The following DPP6 variants were observed in gnomAD, a reference collection of about 807,000 sequenced individuals.
The protein encoded by DPP6 is dipeptidyl peptidase like 6, also known as A-type potassium channel modulatory protein DPP6.
DPP6 carries 69 observed loss-of-function variants against 122.6 expected under a neutral mutation model. The ratio of observed to expected loss-of-function variants is 0.56; its 90% CI spans 0.46 to 0.69. DPP6 has a LOEUF of 0.69. DPP6 is among the 30% of genes least tolerant of loss of function. DPP6 has a pLI of 0.00. For synonymous variants in DPP6, 418 were observed against 433.1 expected (o/e 0.97, Z 0.43); for missense variants, 928 against 1,116.9 (o/e 0.83, Z 2.41).
At chr7:154,781,011 TG>T (rs1231411216) in intron 10 of DPP6, among the ~76,000 whole-genome samples, 1 of 151,734 alleles carries the variant, frequency 6.6e-6, no homozygotes, top group Non-Finnish European at 1.5e-5. Context: ...GGATGGATGA[TG>T]GGTGGATGGA....
chr7:154,874,074 T>C (rs201709273), intron 19 of DPP6, among the ~76,000 whole-genome samples: 24,955 of 149,494 alleles, frequency 0.17, 2,317 homozygotes, highest in East Asian at 0.53. Context: ...TATGTGTATA[T>C]ACACATGCAC....
At chr7:153,823,667 T>C in the DPP6 span, among the ~76,000 whole-genome samples, 2 of 150,872 alleles carry the variant, frequency 1.3e-5, no homozygotes, top group African/African-American at 2.4e-5. Context: ...ACTCAGGGTG[T>C]GAGGGGTTGT....
intron 17 of DPP6, 92 bp from the exon 18 acceptor site, chr7:154,867,903 G>C: frequency 1.4e-6 from 2 of 1,424,104 alleles, no homozygotes; most frequent in African/African-American, 1.4e-5. Context: ...GCTGATGAAA[G>C]CAGCAGTTAC....
At chr7:154,623,245 G>A (rs55858298) in intron 5 of DPP6, among the ~76,000 whole-genome samples, 7,666 of 152,180 alleles carry the variant, frequency 0.05, 227 homozygotes, top group Non-Finnish European at 0.063. Flanking sequence ...TGCTGTTGCC[G>A]GTGCGTTGCA....
chr7:154,679,583 G>A (rs1414146793), intron 7 of DPP6, among the ~76,000 whole-genome samples: 1 of 152,218 alleles, frequency 6.6e-6, no homozygotes, highest in African/African-American at 2.4e-5. Flanking sequence ...GGGGCAGGGA[G>A]CACTTTACTG....
At chr7:153,749,088 C>CTCCG in the DPP6 span, among the ~76,000 whole-genome samples, 1 of 152,082 alleles carries the variant, frequency 6.6e-6, no homozygotes, top group South Asian at 2.1e-4. The surrounding 1 kb of genome is among the most constrained non-coding windows in gnomAD (Gnocchi z 4.1). Flanking sequence ...AGAGTGGAGA[C>CTCCG]TCCGGCAGGT....
intron 5 of DPP6, among the ~76,000 whole-genome samples, chr7:154,621,725 A>G (rs1051354962): frequency 4.6e-4 from 70 of 152,168 alleles, no homozygotes; most frequent in African/African-American, 1.7e-3. Context: ...CATGATAAAA[A>G]GGGTCTTCCC....
chr7:154,079,866 G>A (rs1803864837), intron 1 of DPP6, among the ~76,000 whole-genome samples: 1 of 151,734 alleles, frequency 6.6e-6, no homozygotes, highest in South Asian at 2.1e-4. Flanking sequence ...GTTGGTCTCT[G>A]GGACTTAGAA....
At chr7:154,617,049 T>C (rs1834306682) in intron 5 of DPP6, among the ~76,000 whole-genome samples, 1 of 152,196 alleles carries the variant, frequency 6.6e-6, no homozygotes, top group Non-Finnish European at 1.5e-5. Context: ...CAGTTTCTGC[T>C]CCATATGAAT....
intron 3 of DPP6, among the ~76,000 whole-genome samples, chr7:154,503,943 C>A (rs79702473): frequency 6.6e-6 from 1 of 152,042 alleles, no homozygotes; most frequent in African/African-American, 2.4e-5. Flanking sequence ...GCACATGTAC[C>A]CTGAAACTTA....
chr7:154,387,028 G>A (rs984024749), intron 1 of DPP6, among the ~76,000 whole-genome samples: 4 of 152,192 alleles, frequency 2.6e-5, no homozygotes, highest in African/African-American at 4.8e-5. Context: ...GAAAGATCAA[G>A]TGAGGCAGGA....
chr7:154,322,972 G>A (rs546512367), intron 1 of DPP6, among the ~76,000 whole-genome samples: 2 of 152,118 alleles, frequency 1.3e-5, no homozygotes, highest in African/African-American at 4.8e-5. Context: ...CATACAAACC[G>A]AGATGGTATT....
At chr7:154,586,067 A>G (rs565095462) in intron 5 of DPP6, among the ~76,000 whole-genome samples, 1 of 152,138 alleles carries the variant, frequency 6.6e-6, no homozygotes, top group Admixed American at 6.5e-5. Flanking sequence ...AGCACAGTAT[A>G]TGCAGTGGAG....
chr7:154,578,691 G>A (rs1171031708), intron 5 of DPP6, among the ~76,000 whole-genome samples: 1 of 152,122 alleles, frequency 6.6e-6, no homozygotes, highest in African/African-American at 2.4e-5. Context: ...TCTAGTGGAC[G>A]GTGGTGCCAA....
the DPP6 span, among the ~76,000 whole-genome samples, chr7:153,787,246 G>A: frequency 6.9e-6 from 1 of 145,518 alleles, no homozygotes; most frequent in African/African-American, 2.6e-5. Flanking sequence ...CACTGCGCCC[G>A]GCCACGGAAG....
chr7:154,685,225 G>T (rs536239134), intron 7 of DPP6, among the ~76,000 whole-genome samples: 2 of 152,326 alleles, frequency 1.3e-5, no homozygotes, highest in South Asian at 2.1e-4. Flanking sequence ...TAATTTCCCA[G>T]TGAGGTGGCA....
intron 1 of DPP6, among the ~76,000 whole-genome samples, chr7:154,323,691 T>C (rs1429432401): frequency 6.6e-6 from 1 of 152,222 alleles, no homozygotes; most frequent in Admixed American, 6.5e-5. Flanking sequence ...TTTTTACAGA[T>C]TTCAGCCTTA....
chr7:154,262,354 G>A (rs966370592), intron 1 of DPP6, among the ~76,000 whole-genome samples: 1 of 152,100 alleles, frequency 6.6e-6, no homozygotes, highest in African/African-American at 2.4e-5. Context: ...CCATAGAGGT[G>A]GAACTTACTC....
chr7:154,612,293 G>A (rs147712847), intron 5 of DPP6, among the ~76,000 whole-genome samples: 2,263 of 152,258 alleles, frequency 0.015, 59 homozygotes, highest in African/African-American at 0.051. Context: ...AGGACCCCTC[G>A]TGATACTCTG....
Sources: gnomAD v4.1 joint callset for allele counts (sites outside exome capture counted in the v4.1 genomes callset) on GRCh38, gnomAD v4.1.1 for gene constraint, Gnocchi (gnomAD v3.1) non-coding constraint, MANE v1.5 for transcripts, NCBI Gene and HGNC (gene_info 2026-07-23, HGNC 2026-07-21) for gene names.